CHCHD3: variants seen among roughly 807,000 people sequenced by gnomAD.
CHCHD3 encodes the protein MICOS complex subunit MIC19.
A neutral mutation model predicts 38.2 loss-of-function variants in CHCHD3; 20 were observed. The ratio of observed to expected loss-of-function variants is 0.52; its 90% CI spans 0.37 to 0.76. CHCHD3 has a LOEUF of 0.76. Ranked by LOEUF, CHCHD3 falls within the 30% of genes least tolerant of loss-of-function variation. CHCHD3 has a pLI of 0.00. For missense variants in CHCHD3, 245 were observed against 279.2 expected (o/e 0.88, Z 0.87); for synonymous variants, 82 against 100.0 (o/e 0.82, Z 1.07).
At chr7:132,982,767 A>T (rs1022551131) in intron 3 of CHCHD3, among the ~76,000 whole-genome samples, 20 of 152,198 alleles carry the variant, frequency 1.3e-4, no homozygotes, top group African/African-American at 4.8e-4. Flanking sequence ...TGTAAAATTG[A>T]GGCCTACAGA....
chr7:132,901,326 C>A (rs926575615), intron 4 of CHCHD3, among the ~76,000 whole-genome samples: 3 of 152,186 alleles, frequency 2.0e-5, no homozygotes, highest in African/African-American at 7.2e-5. Context: ...GAAGAGAATG[C>A]GCTCAAAGCA....
At chr7:132,861,453 G>C (rs991361706) in intron 5 of CHCHD3, among the ~76,000 whole-genome samples, 2 of 152,122 alleles carry the variant, frequency 1.3e-5, no homozygotes, top group African/African-American at 4.8e-5. Context: ...GCTAGACTCT[G>C]AGCTCTGTGA....
intron 3 of CHCHD3, among the ~76,000 whole-genome samples, chr7:133,018,366 T>C (rs1345151707): frequency 1.3e-5 from 2 of 152,202 alleles, no homozygotes; most frequent in Non-Finnish European, 2.9e-5. Context: ...TTGCAACTAT[T>C]TATAAATTAC....
chr7:132,821,621 G>A (rs1032935999), intron 6 of CHCHD3, among the ~76,000 whole-genome samples: 3 of 151,880 alleles, frequency 2.0e-5, no homozygotes, highest in Non-Finnish European at 2.9e-5. Flanking sequence ...TCTTTCTTAC[G>A]TCTACTTCCT....
At chr7:132,973,092 GT>G (rs1200959355) in intron 4 of CHCHD3, 30 of 985,284 alleles carry the variant, frequency 3.0e-5, no homozygotes, top group Non-Finnish European at 3.5e-5. Flanking sequence ...TATTTAATGA[GT>G]TTTTTGAGTT....
At chr7:133,042,209 G>A (rs1813852951) in intron 2 of CHCHD3, among the ~76,000 whole-genome samples, 1 of 152,094 alleles carries the variant, frequency 6.6e-6, no homozygotes, top group Non-Finnish European at 1.5e-5. Flanking sequence ...TTAAAAGCAA[G>A]CTTGGTTGAA....
Position 132,910,579 on chromosome 7 carries a change from T to C in CHCHD3, c.370-24834A>G, listed in dbSNP as rs139346258. Reference sequence around the variant, plus strand: ...TAATATTGAACACTTCTATGTGTCATTTTCTCCATCTCTCTTGTGCCAAGA... The same window carrying C: ...TAATATTGAACACTTCTATGTGTCACTTTCTCCATCTCTCTTGTGCCAAGA... On this transcript the variant is annotated intron_variant, in intron 4 of 7. Coordinates refer to ENST00000262570, the MANE Select transcript of CHCHD3 (RefSeq NM_017812.4). Among the ~76,000 whole-genome samples, 932 of 152,338 alleles carry C rather than the reference T, an allele frequency of 6.1e-3. 12 individuals are homozygous for C. The highest frequency in any genetic ancestry group is 0.021 in the African/African-American group (871 of 41,574).
At chr7:132,802,528 A>T (rs1214413920) in intron 6 of CHCHD3, among the ~76,000 whole-genome samples, 1 of 152,142 alleles carries the variant, frequency 6.6e-6, no homozygotes, top group East Asian at 1.9e-4. Context: ...GAGGGTCCCC[A>T]GTTTTGTTTA....
At chr7:132,900,748 TG>T (rs1414731536) in intron 4 of CHCHD3, among the ~76,000 whole-genome samples, 2 of 152,214 alleles carry the variant, frequency 1.3e-5, no homozygotes, top group African/African-American at 4.8e-5. Context: ...CCCAGCACTT[TG>T]GAAGGCCAAG....
At chr7:132,809,365 C>A (rs1419515500) in intron 6 of CHCHD3, among the ~76,000 whole-genome samples, 1 of 152,316 alleles carries the variant, frequency 6.6e-6, no homozygotes, top group East Asian at 1.9e-4. Flanking sequence ...GCTAAGTTAT[C>A]ACTTCAAGCA....
At chr7:132,981,077 C>A (rs747060398) in intron 3 of CHCHD3, among the ~76,000 whole-genome samples, 1 of 152,044 alleles carries the variant, frequency 6.6e-6, no homozygotes, top group Non-Finnish European at 1.5e-5. Flanking sequence ...CCTCTGCCTC[C>A]CAGGCTCAAG....
chr7:132,856,266 C>T (rs1310771376), intron 5 of CHCHD3, among the ~76,000 whole-genome samples: 1 of 152,172 alleles, frequency 6.6e-6, no homozygotes, highest in Non-Finnish European at 1.5e-5. Context: ...CATATGCGTT[C>T]TGTTAGTTCC....
chr7:132,902,431 A>G (rs1354482836), intron 4 of CHCHD3, among the ~76,000 whole-genome samples: 4 of 152,234 alleles, frequency 2.6e-5, no homozygotes, highest in Admixed American at 1.3e-4. Flanking sequence ...ATGTCCATCA[A>G]TGATAGACTG....
intron 6 of CHCHD3, among the ~76,000 whole-genome samples, chr7:132,807,204 C>A (rs1001051473): frequency 6.6e-6 from 1 of 152,174 alleles, no homozygotes; most frequent in East Asian, 1.9e-4. Context: ...GGCCCCGCTG[C>A]CTGGCCCTGC....
At chr7:133,023,049 T>C (rs1297389609) in intron 3 of CHCHD3, among the ~76,000 whole-genome samples, 3 of 152,040 alleles carry the variant, frequency 2.0e-5, no homozygotes, top group Admixed American at 1.3e-4. Context: ...CAAGAAATTC[T>C]ACCATAACAT....
At chr7:132,920,915 G>A (rs935933989) in intron 4 of CHCHD3, among the ~76,000 whole-genome samples, 4 of 151,494 alleles carry the variant, frequency 2.6e-5, no homozygotes, top group African/African-American at 7.3e-5. Flanking sequence ...GAGACAGCTC[G>A]GCTTCTTTGT....
At chr7:133,061,804 T>C (rs1481693669) in intron 2 of CHCHD3, among the ~76,000 whole-genome samples, 2 of 152,232 alleles carry the variant, frequency 1.3e-5, no homozygotes, top group Non-Finnish European at 2.9e-5. Context: ...AATATTGTCA[T>C]AAGCATGCCA....
At chr7:132,797,796 C>G (rs568764430) in intron 6 of CHCHD3, among the ~76,000 whole-genome samples, 2 of 151,900 alleles carry the variant, frequency 1.3e-5, no homozygotes, top group Non-Finnish European at 2.9e-5. Context: ...ATGAGTTATA[C>G]GAATGAAGGT....
At chr7:133,077,095 T>C (rs1430985681) in intron 1 of CHCHD3, among the ~76,000 whole-genome samples, 2 of 152,140 alleles carry the variant, frequency 1.3e-5, no homozygotes, top group Admixed American at 6.5e-5. Flanking sequence ...CCCATATATA[T>C]GTTGATAGAT....
Sources: gnomAD v4.1 joint callset for allele counts (sites outside exome capture counted in the v4.1 genomes callset) on GRCh38, gnomAD v4.1.1 for gene constraint, MANE v1.5 for transcripts, NCBI Gene and HGNC (gene_info 2026-07-23, HGNC 2026-07-21) for gene names.